The following ECHDC1 variants were observed in gnomAD, a reference collection of about 807,000 sequenced individuals.
The protein encoded by ECHDC1 is ethylmalonyl-CoA decarboxylase 1, also known as ethylmalonyl-CoA decarboxylase.
ECHDC1 carries 29 observed loss-of-function variants against 29.7 expected under a neutral mutation model. The ratio of observed to expected loss-of-function variants is 0.98; its 90% CI spans 0.73 to 1.33. ECHDC1 has a LOEUF of 1.33. ECHDC1 is among the 40% of genes most tolerant of loss of function. The pLI, the probability that ECHDC1 is intolerant of heterozygous loss-of-function variation, is 0.00. For synonymous variants in ECHDC1, 126 were observed against 123.1 expected (o/e 1.02, Z -0.15); for missense variants, 328 against 350.0 (o/e 0.94, Z 0.50).
intron 3 of ECHDC1, among the ~76,000 whole-genome samples, chr6:127,324,831 A>T (rs141793322): frequency 6.6e-6 from 1 of 152,316 alleles, no homozygotes; most frequent in African/African-American, 2.4e-5. Context: ...AATATCCATG[A>T]GTGCATATTG....
chr6:127,316,582 A>G, intron 3 of ECHDC1, 80 bp from the exon 4 acceptor site: 1 of 1,202,592 alleles, frequency 8.3e-7, no homozygotes, highest in Admixed American at 2.4e-5. Context: ...GGTTTTAGAA[A>G]GTAATGAAGC....
At position 127,290,164 on chromosome 6, in the gene ECHDC1, T is replaced by C. The variant is rs1780015779; in HGVS notation, c.611A>G (p.Lys204Arg). The change falls in exon 6 of 6, where the codon AAA becomes AGA. Residue 204 changes from lysine to arginine, a missense_variant. Lys to Arg is a conservative substitution (Grantham distance 26). Transcript: ENST00000454859. ...VEIIGSRQALKVLSGALKLDS... is the reference protein window; with the variant it reads ...VEIIGSRQALRVLSGALKLDS... ...CAGTTTAAGGGCCCCACTCAACACTTTGAGAGCTTGTCTACTTCCGATTAT... is the reference window on the plus strand; with the variant it reads ...CAGTTTAAGGGCCCCACTCAACACTCTGAGAGCTTGTCTACTTCCGATTAT... The C allele has an allele frequency of 6.2e-7, 1 of 1,613,594 alleles. No homozygotes were observed. The highest frequency in any genetic ancestry group is 1.1e-5 in the South Asian group (1 of 91,072).
rs1286932709 is a variant in ECHDC1, at chr6:127,290,173, T to C, written c.602A>G (p.Gln201Arg). Reference sequence around the variant, plus strand: ...GGCCCCACTCAACACTTTGAGAGCTTGTCTACTTCCGATTATTTCAACTAG... The same window carrying C: ...GGCCCCACTCAACACTTTGAGAGCTCGTCTACTTCCGATTATTTCAACTAG... ...TRLVEIIGSR[Q>R]ALKVLSGALK... Residue 201 changes from glutamine (Q) to arginine (R), a missense_variant, in exon 6 of 6, where the codon CAA (glutamine) becomes CGA (arginine). Transcript: ENST00000454859. 6.2e-7 allele frequency: 1 copy of C among 1,613,744 alleles called. No individual in the cohort carries two copies. The highest frequency in any genetic ancestry group is 8.5e-7 in the Non-Finnish European group (1 of 1,179,780).
At chr6:127,294,555 A>T (rs189364075) in intron 5 of ECHDC1, 13 of 152,316 alleles carry the variant, frequency 8.5e-5, no homozygotes, top group African/African-American at 2.9e-4. Flanking sequence ...TCCATTCATT[A>T]TATGCAAACA....
chr6:127,334,419 T>C (rs1322505187), intron 1 of ECHDC1, among the ~76,000 whole-genome samples: 2 of 152,144 alleles, frequency 1.3e-5, no homozygotes, highest in Non-Finnish European at 1.5e-5. Flanking sequence ...CTATTACTAA[T>C]ACAGTTCAAA....
intron 5 of ECHDC1, among the ~76,000 whole-genome samples, chr6:127,291,221 T>C (rs1031561115): frequency 1.3e-5 from 2 of 151,702 alleles, no homozygotes; most frequent in Non-Finnish European, 2.9e-5. Context: ...TTACAAGGGC[T>C]GCTCTAGTTG....
chr6:127,290,341 A>G, intron 5 of ECHDC1, 64 bp from the exon 6 acceptor site: 3 of 1,492,562 alleles, frequency 2.0e-6, no homozygotes, highest in East Asian at 2.3e-5. Flanking sequence ...ATAAAGTACT[A>G]TCCATTCATG....
intron 5 of ECHDC1, among the ~76,000 whole-genome samples, chr6:127,297,069 C>T (rs1165488171): frequency 6.6e-6 from 1 of 152,060 alleles, no homozygotes; most frequent in African/African-American, 2.4e-5. Context: ...AAATATTGTT[C>T]CTTACCCATG....
chr6:127,327,692 AC>A (rs1783483078), intron 2 of ECHDC1, among the ~76,000 whole-genome samples: 1 of 152,172 alleles, frequency 6.6e-6, no homozygotes, highest in African/African-American at 2.4e-5. Flanking sequence ...TCCATGGTTA[AC>A]AAACTGTCCT....
At chr6:127,312,168 T>C (rs1384368635) in intron 5 of ECHDC1, among the ~76,000 whole-genome samples, 1 of 152,160 alleles carries the variant, frequency 6.6e-6, no homozygotes, top group Admixed American at 6.5e-5. Flanking sequence ...ATACTTCACC[T>C]CTGCTACTAT....
At chr6:127,305,276 T>A (rs1781356988) in intron 5 of ECHDC1, among the ~76,000 whole-genome samples, 1 of 152,164 alleles carries the variant, frequency 6.6e-6, no homozygotes, top group Non-Finnish European at 1.5e-5. Flanking sequence ...TACGACATAC[T>A]GCAAGTGCTG....
rs1322857551 is a variant in ECHDC1, at chr6:127,290,160, C to G, written c.615G>C (p.Val205=). 2 of 1,613,650 alleles carry G rather than the reference C, an allele frequency of 1.2e-6. No homozygotes were observed. The highest frequency in any genetic ancestry group is 2.7e-5 in the African/African-American group (2 of 74,896). The part of the protein sequence containing the change: ...EIIGSRQALK[V]LSGALKLDSK... ...AATCCAGTTTAAGGGCCCCACTCAA[C>G]ACTTTGAGAGCTTGTCTACTTCCGA... is the stretch of plus-strand genomic sequence containing the variant. Residue 205 remains valine, a synonymous_variant, in exon 6 of 6, where the codon GTG becomes GTC. Transcript: ENST00000454859.
intron 1 of ECHDC1, chr6:127,341,543 G>A (rs1784945828): frequency 6.6e-6 from 1 of 152,126 alleles, no homozygotes; most frequent in Non-Finnish European, 1.5e-5. Context: ...GCTTTCTTCG[G>A]GGTAAAACTT....
At chr6:127,311,883 G>A (rs373150102) in intron 5 of ECHDC1, among the ~76,000 whole-genome samples, 1 of 151,620 alleles carries the variant, frequency 6.6e-6, no homozygotes, top group Admixed American at 6.6e-5. Context: ...TTTCCCAGTT[G>A]TATAATTGCA....
intron 2 of ECHDC1, among the ~76,000 whole-genome samples, chr6:127,327,773 A>G (rs1191737179): frequency 6.6e-6 from 1 of 152,206 alleles, no homozygotes; most frequent in Non-Finnish European, 1.5e-5. Context: ...TGATTTATAG[A>G]TTGTTACCTT....
chr6:127,289,907 A>C lies in ECHDC1; in HGVS notation c.868T>G (p.Leu290Val). The C allele has an allele frequency of 1.2e-6, 2 of 1,611,886 alleles. No individual in the cohort carries two copies. Among genetic ancestry groups the C allele is most frequent in the Non-Finnish European group, 1.7e-6 (2 of 1,179,108 alleles). ...LGTVWGGPAN[L>V]EAIAKKGKFN... ...TTTCCTTTCTTAGCAATAGCCTCTA[A>C]ATTTGCAGGCCCACCCCAAACTGTT... The change falls in exon 6 of 6, where the codon TTA (leucine) becomes GTA (valine). Residue 290 changes from leucine to valine, a missense_variant. Coordinates refer to ENST00000454859, the MANE Select transcript of ECHDC1 (RefSeq NM_001002030.2).
At chr6:127,342,399 T>C in intron 1 of ECHDC1, 3 of 1,545,994 alleles carry the variant, frequency 1.9e-6, no homozygotes, top group Non-Finnish European at 2.6e-6. Flanking sequence ...CTTCCCTTCC[T>C]GGAATGTTAA....
rs796074146 is a variant in ECHDC1 at position 127,295,258 on chromosome 6, A to C, written c.498-4981T>G. Among the ~76,000 whole-genome samples, 140 of 152,278 alleles carry C rather than the reference A, an allele frequency of 9.2e-4. 2 individuals are homozygous for C. Among genetic ancestry groups the C allele is most frequent in the African/African-American group, 3.3e-3 (136 of 41,562 alleles). On this transcript the variant is annotated intron_variant, in intron 5 of 5. Transcript: ENST00000454859. ...GTTCCCTTGGGATAAGAACGTTTAC[A>C]GCTCCCTTTCTTTATAATATACTTT...
intron 5 of ECHDC1, among the ~76,000 whole-genome samples, chr6:127,309,480 AACACACACACACACACAC>A (rs58621326): frequency 0.034 from 4,681 of 138,352 alleles, 169 homozygotes; most frequent in African/African-American, 0.071. Context: ...CAAACAACAA[AACACACACACACACACAC>A]ACACACACAC....
Sources: gnomAD v4.1 joint callset for allele counts (sites outside exome capture counted in the v4.1 genomes callset) on GRCh38, gnomAD v4.1.1 for gene constraint, MANE v1.5 for transcripts, NCBI Gene and HGNC (gene_info 2026-07-23, HGNC 2026-07-21) for gene names.